The following FBN2 variants were observed in gnomAD, a reference collection of about 807,000 sequenced individuals.
FBN2 encodes the protein fibrillin 2, also known as fibrillin-2.
In FBN2, 105 loss-of-function variants were observed where a neutral mutation model predicts 355.6. That is an observed-to-expected ratio of 0.30 (90% CI 0.25 to 0.35). The LOEUF (loss-of-function observed/expected upper bound fraction) is 0.35, where lower values mean the gene tolerates loss of function less well. FBN2 is among the 10% of genes least tolerant of loss of function. FBN2 has a pLI of 1.00. For missense variants in FBN2, 3,280 were observed against 3,758.7 expected (o/e 0.87, Z 3.33); for synonymous variants, 1,350 against 1,301.2 (o/e 1.04, Z -0.81).
chr5:128,374,293 A>G (rs1752024640), intron 15 of FBN2, among the ~76,000 whole-genome samples: 1 of 152,154 alleles, frequency 6.6e-6, no homozygotes, highest in Non-Finnish European at 1.5e-5. Context: ...GTGTTCATCC[A>G]TCACTACAGA....
chr5:128,514,347 G>C (rs1756221300), intron 5 of FBN2, among the ~76,000 whole-genome samples: 2 of 152,112 alleles, frequency 1.3e-5, no homozygotes, highest in Non-Finnish European at 2.9e-5. Flanking sequence ...TTTGTAATTT[G>C]TCCTGCATTA....
intron 8 of FBN2, among the ~76,000 whole-genome samples, chr5:128,396,960 T>C (rs902998044): frequency 2.0e-5 from 3 of 152,188 alleles, no homozygotes; most frequent in African/African-American, 7.2e-5. Context: ...GCACATTATG[T>C]CCTCTAATGG....
rs1200263078 is a variant in FBN2 at position 128,355,163 on chromosome 5, T to C, written c.2674+2113A>G. Among the ~76,000 whole-genome samples the C allele has an allele frequency of 1.3e-5, 2 of 152,180 alleles. 1 individual carries two copies. Among genetic ancestry groups the C allele is most frequent in the Non-Finnish European group, 2.9e-5 (2 of 68,044 alleles). On this transcript the variant is annotated intron_variant, in intron 20 of 64. Coordinates refer to ENST00000262464, the MANE Select transcript of FBN2 (RefSeq NM_001999.4). The stretch of plus-strand genomic sequence containing the variant: ...AAATTTCTTGAGAAAGAATGATTAA[T>C]GAACTGTGACAAATACTGCTAATAA...
In FBN2 at chr5:128,369,188, T is replaced by A. The variant is rs758120730; in HGVS notation, c.2242A>T (p.Asn748Tyr). ...GEPCQPCPAK[N>Y]SAEFHGLCSS... Reference sequence around the variant, plus strand: ...AAATGGCACATGTGACTACCTGAATTTTTTGCAGGGCATGGCTGGCAGGGT... The same window carrying A: ...AAATGGCACATGTGACTACCTGAATATTTTGCAGGGCATGGCTGGCAGGGT... Residue 748 changes from asparagine to tyrosine, a missense_variant, in exon 16 of 65, where the codon AAT becomes TAT. This residue lies in a region of FBN2 where 2,284 missense variants were observed against 2,749.5 expected (regional missense o/e 0.83). Transcript: ENST00000262464. 3 of 1,614,150 alleles carry A rather than the reference T, an allele frequency of 1.9e-6. No homozygotes were observed. Among genetic ancestry groups the A allele is most frequent in the Admixed American group, 3.3e-5 (2 of 60,002 alleles).
rs1305122530 is a variant in FBN2, at chr5:128,330,640, T to C, written c.4278A>G (p.Val1426=). ...CACAGCGGTATGAGCCCGGGGTATT[T>C]ACACACTGAGCATTGATGCTACACT... The part of the protein sequence containing the change: ...THQCSINAQC[V]NTPGSYRCAC... Residue 1426 remains valine (V), a synonymous_variant, in exon 33 of 65, where the codon GTA becomes GTG. Coordinates refer to ENST00000262464, the MANE Select transcript of FBN2 (RefSeq NM_001999.4). The C allele has an allele frequency of 2.5e-6, 4 of 1,614,002 alleles. No homozygotes were observed. The highest frequency in any genetic ancestry group is 2.2e-5 in the South Asian group (2 of 91,072).
intron 8 of FBN2, among the ~76,000 whole-genome samples, chr5:128,405,112 A>G (rs952704187): frequency 1.3e-5 from 2 of 152,328 alleles, no homozygotes; most frequent in East Asian, 3.9e-4. Context: ...CAGAGGTTGC[A>G]GCAAGCTGAG....
At chr5:128,455,539 C>T (rs955414795) in intron 6 of FBN2, among the ~76,000 whole-genome samples, 3 of 152,064 alleles carry the variant, frequency 2.0e-5, no homozygotes, top group African/African-American at 7.2e-5. Context: ...CTAGAAGCAG[C>T]GTCTCTCAGA....
At chr5:128,351,077 G>T in intron 20 of FBN2, 72 bp from the exon 21 acceptor site, 1 of 1,567,394 alleles carries the variant, frequency 6.4e-7, no homozygotes, top group Non-Finnish European at 8.8e-7. Context: ...GTACACAAAA[G>T]GCATTTGTTA....
intron 19 of FBN2, 22 bp from the exon 20 acceptor site, chr5:128,357,417 TTC>T (rs1238268474): frequency 3.7e-6 from 6 of 1,613,614 alleles, no homozygotes; most frequent in Non-Finnish European, 5.1e-6. Flanking sequence ...AAGGAAAAGA[TTC>T]TGTTAGAACT....
At chr5:128,287,183 A>C in intron 54 of FBN2, 125 bp downstream of exon 54, 1 of 1,183,728 alleles carries the variant, frequency 8.4e-7, no homozygotes, top group Non-Finnish European at 1.2e-6. Flanking sequence ...TCTACTAGCA[A>C]AATGCTGTCA....
intron 28 of FBN2, 51 bp from the exon 29 acceptor site, chr5:128,335,628 A>C (rs770751426): frequency 3.1e-6 from 5 of 1,610,964 alleles, no homozygotes; most frequent in Non-Finnish European, 4.2e-6. Context: ...CCTTAAAAGG[A>C]GTTTTCTTCT....
intron 53 of FBN2, among the ~76,000 whole-genome samples, chr5:128,287,980 C>A (rs766436047): frequency 3.3e-5 from 5 of 152,172 alleles, no homozygotes; most frequent in Non-Finnish European, 7.4e-5. Flanking sequence ...GTTTAAAGAA[C>A]TGACAGATGA....
At chr5:128,437,047 G>C (rs183875003) in intron 7 of FBN2, among the ~76,000 whole-genome samples, 3 of 152,294 alleles carry the variant, frequency 2.0e-5, no homozygotes, top group Non-Finnish European at 4.4e-5. Flanking sequence ...ATGTGAATGA[G>C]TCACCTTTTG....
intron 6 of FBN2, among the ~76,000 whole-genome samples, chr5:128,458,684 G>T (rs573780532): frequency 6.6e-6 from 1 of 152,148 alleles, no homozygotes; most frequent in African/African-American, 2.4e-5. Flanking sequence ...TGAACAACCT[G>T]CTCCTGAATG....
chr5:128,445,271 A>G (rs2127054460), intron 7 of FBN2, among the ~76,000 whole-genome samples: 1 of 152,320 alleles, frequency 6.6e-6, no homozygotes, highest in South Asian at 2.1e-4. Context: ...AGGGAGCATG[A>G]AATTAATTTG....
chr5:128,351,612 A>C (rs1272773726), intron 20 of FBN2, among the ~76,000 whole-genome samples: 3 of 152,146 alleles, frequency 2.0e-5, no homozygotes, highest in African/African-American at 7.2e-5. Context: ...ACCTGCATTC[A>C]AATATGGTAT....
In FBN2 at chr5:128,537,365, T is replaced by A; in HGVS notation, c.239A>T (p.Gln80Leu). The A allele has an allele frequency of 1.2e-6, 2 of 1,610,866 alleles. No homozygotes were observed. The highest frequency in any genetic ancestry group is 8.5e-7 in the Non-Finnish European group (1 of 1,179,794). ...GCCCACTTACCCTCGGAGCACGTCC[T>A]GCTGTCCTCGCCGGCGGACGCGGCT... ...VASRVRRRGQQDVLRGPNVCG... is the reference protein window; with the variant it reads ...VASRVRRRGQLDVLRGPNVCG... Residue 80 changes from glutamine to leucine, a missense_variant, in exon 1 of 65, where the codon CAG becomes CTG. Physicochemically the swap from Gln to Leu is moderately radical, Grantham distance 113. Transcript: ENST00000262464.
chr5:128,324,145 T>G (rs1750473666), intron 34 of FBN2, among the ~76,000 whole-genome samples: 1 of 152,162 alleles, frequency 6.6e-6, no homozygotes, highest in African/African-American at 2.4e-5. Flanking sequence ...ATCCCCCCCT[T>G]TATCATTTTT....
At chr5:128,401,685 G>A (rs1382948518) in intron 8 of FBN2, among the ~76,000 whole-genome samples, 1 of 150,216 alleles carries the variant, frequency 6.7e-6, no homozygotes, top group Non-Finnish European at 1.5e-5. Flanking sequence ...GAAGGCTGAG[G>A]CAGGGTAATC....
Sources: allele counts gnomAD v4.1 joint callset (sites outside exome capture counted in the v4.1 genomes callset), GRCh38; gene constraint gnomAD v4.1.1; regional missense constraint gnomAD v4.1.1; transcripts MANE v1.5; gene names NCBI Gene and HGNC (gene_info 2026-07-23, HGNC 2026-07-21).